The following SORCS2 variants were observed in gnomAD, a reference collection of about 807,000 sequenced individuals.
The protein encoded by SORCS2 is sortilin related VPS10 domain containing receptor 2, also known as VPS10 domain-containing receptor SorCS2.
In SORCS2, 100 loss-of-function variants were observed where a neutral mutation model predicts 141.6. The observed-to-expected ratio is 0.71, with a 90% CI of 0.60 to 0.83. The LOEUF (loss-of-function observed/expected upper bound fraction) is 0.83, where lower values mean the gene tolerates loss of function less well. SORCS2 is among the 40% of genes least tolerant of loss of function. The pLI is 0.00. For synonymous variants in SORCS2, 789 were observed against 676.9 expected, an observed-to-expected ratio of 1.17 and a Z score of -2.57; for missense variants, 1,646 against 1,560.2, an observed-to-expected ratio of 1.05 and a Z score of -0.93.
chr4:7,323,648 A>G (rs1719047947), intron 1 of SORCS2, among the ~76,000 whole-genome samples: 1 of 152,068 alleles, frequency 6.6e-6, no homozygotes, highest in Non-Finnish European at 1.5e-5. Flanking sequence ...AGGCAGGCCC[A>G]CTGCCACGTG....
intron 1 of SORCS2, among the ~76,000 whole-genome samples, chr4:7,301,414 C>A (rs933255709): frequency 6.6e-6 from 1 of 152,198 alleles, no homozygotes; most frequent in African/African-American, 2.4e-5. Context: ...CCTGTGTGCT[C>A]AAATGAATGA....
intron 2 of SORCS2, among the ~76,000 whole-genome samples, chr4:7,481,866 C>G (rs1730655266): frequency 1.3e-5 from 2 of 152,096 alleles, no homozygotes; most frequent in South Asian, 2.1e-4. Context: ...ATGGTTCTGC[C>G]TCTCCCCGCT....
At chr4:7,474,064 G>A (rs980102492) in intron 2 of SORCS2, among the ~76,000 whole-genome samples, 8 of 152,174 alleles carry the variant, frequency 5.3e-5, no homozygotes, top group South Asian at 2.1e-4. Context: ...CTCCCTGGTC[G>A]GTTGATGGCC....
chr4:7,736,998 G>A, intron 25 of SORCS2, 71 bp from the exon 26 acceptor site: 2 of 1,535,740 alleles, frequency 1.3e-6, no homozygotes, highest in Non-Finnish European at 1.8e-6. Flanking sequence ...CAGGCGGCCA[G>A]CGGAAGGCTC....
intron 1 of SORCS2, among the ~76,000 whole-genome samples, chr4:7,307,599 CT>C (rs1717913357): frequency 6.6e-6 from 1 of 152,240 alleles, no homozygotes; most frequent in African/African-American, 2.4e-5. Flanking sequence ...CAATTCCTTC[CT>C]TTTGGATTGA....
chr4:7,255,813 G>A (rs1467234581), intron 1 of SORCS2, among the ~76,000 whole-genome samples: 2 of 151,780 alleles, frequency 1.3e-5, no homozygotes, highest in Admixed American at 1.3e-4. Context: ...CTGGAGCCCC[G>A]GGGTTGGAGC....
intron 1 of SORCS2, among the ~76,000 whole-genome samples, chr4:7,392,002 AGGGTT>A (rs1352894058): frequency 1.8e-4 from 27 of 152,362 alleles, no homozygotes; most frequent in South Asian, 4.1e-4. Flanking sequence ...TGTTATTTAC[AGGGTT>A]CAGCACAAAG....
chr4:7,243,535 G>A (rs1320933183), intron 1 of SORCS2, among the ~76,000 whole-genome samples: 1 of 152,184 alleles, frequency 6.6e-6, no homozygotes, highest in Admixed American at 6.5e-5. Context: ...TCCCGGCAGA[G>A]CCACACGGCA....
chr4:7,432,653 GGAGA>G (rs1391618763), intron 2 of SORCS2: 2 of 151,936 alleles, frequency 1.3e-5, no homozygotes, highest in African/African-American at 4.9e-5. Context: ...TGGGGTGCAA[GGAGA>G]GAGAGGGACC....
At chr4:7,635,401 A>C (rs1045982559) in intron 3 of SORCS2, among the ~76,000 whole-genome samples, 7 of 152,196 alleles carry the variant, frequency 4.6e-5, no homozygotes, top group African/African-American at 1.7e-4. Flanking sequence ...TATCAAAGTA[A>C]AAAAGTAAAT....
intron 1 of SORCS2, among the ~76,000 whole-genome samples, chr4:7,361,662 C>A (rs1023422856): frequency 2.0e-5 from 3 of 151,992 alleles, no homozygotes; most frequent in Non-Finnish European, 4.4e-5. Context: ...GCAGGAGACA[C>A]GCCCACAGTG....
intron 9 of SORCS2, 77 bp downstream of exon 9, chr4:7,676,306 C>A (rs773426068): frequency 7.0e-6 from 10 of 1,425,126 alleles, no homozygotes; most frequent in African/African-American, 1.4e-5. Flanking sequence ...CTCTTCCTCC[C>A]CCCTCCCCTC....
intron 19 of SORCS2, among the ~76,000 whole-genome samples, 180 bp from the exon 20 acceptor site, chr4:7,724,974 T>TAG (rs1727099149): frequency 1.0e-5 from 1 of 97,762 alleles, no homozygotes; most frequent in African/African-American, 4.8e-5. Context: ...GGTGATAGTG[T>TAG]TGGTGGGAAT....
Position 7,531,767 on chromosome 4 carries a change from T to G in SORCS2, c.648+138T>G, listed in dbSNP as rs886329048. 4.9e-6 allele frequency: 4 copies of G among 809,790 alleles called. No homozygotes were observed. The Admixed American group carries it at 8.7e-5, about 18-fold the overall frequency. 50.2% of individuals were successfully genotyped at this position (809,790 alleles called of 1,614,324 possible). A position where few individuals can be genotyped will look rare whatever the true frequency, so the allele number is the denominator to read the frequency against. On this transcript the variant is annotated intron_variant, in intron 3 of 26. Coordinates refer to ENST00000507866, the MANE Select transcript of SORCS2 (RefSeq NM_020777.3). ...GAGTGTGAGATGTTTCCCTCCCAGC[T>G]CTCACTGCCACCCTTCCCGGTGCTA...
intron 5 of SORCS2, among the ~76,000 whole-genome samples, chr4:7,654,613 G>A (rs149164151): frequency 6.6e-5 from 10 of 152,216 alleles, no homozygotes; most frequent in Middle Eastern, 3.4e-3. Flanking sequence ...CTCCCTGCCC[G>A]ACCCCAGGCC....
chr4:7,464,863 G>T (rs1729522242), intron 2 of SORCS2, among the ~76,000 whole-genome samples: 1 of 152,244 alleles, frequency 6.6e-6, no homozygotes, highest in Non-Finnish European at 1.5e-5. Flanking sequence ...TGGGGAATGG[G>T]AGAGGTGGGT....
At chr4:7,679,965 C>A (rs1373883062) in intron 9 of SORCS2, among the ~76,000 whole-genome samples, 1 of 152,168 alleles carries the variant, frequency 6.6e-6, no homozygotes, top group Admixed American at 6.5e-5. Flanking sequence ...ATAACACAAA[C>A]CATCATGGGA....
intron 1 of SORCS2, among the ~76,000 whole-genome samples, chr4:7,202,038 A>G (rs111330531): frequency 7.9e-5 from 12 of 151,854 alleles, no homozygotes; most frequent in African/African-American, 2.9e-4. Context: ...AGAAGTGCAG[A>G]CATGGGGCTG....
intron 1 of SORCS2, among the ~76,000 whole-genome samples, chr4:7,355,007 A>G (rs1721160586): frequency 1.3e-5 from 2 of 149,150 alleles, no homozygotes; most frequent in Admixed American, 1.4e-4. Context: ...ATAGAAAAGC[A>G]CATACATACA....
Sources: gnomAD v4.1 joint callset for allele counts (sites outside exome capture counted in the v4.1 genomes callset) on GRCh38, gnomAD v4.1.1 for gene constraint, MANE v1.5 for transcripts, NCBI Gene and HGNC (gene_info 2026-07-23, HGNC 2026-07-21) for gene names.